The following KCNN2 variants were observed in gnomAD, a reference collection of about 807,000 sequenced individuals.
KCNN2 encodes potassium calcium-activated channel subfamily N member 2, also known as small conductance calcium-activated potassium channel protein 2.
In KCNN2, 24 loss-of-function variants were observed where a neutral mutation model predicts 55.5. That is an observed-to-expected ratio of 0.43 (90% confidence interval 0.31 to 0.61). The LOEUF is 0.61. Among genes scored for constraint, KCNN2 ranks in the 20% least tolerant of loss-of-function variants. The pLI is 0.08. For synonymous variants in KCNN2, 431 were observed against 336.1 expected (o/e 1.28, Z -3.09); for missense variants, 754 against 853.6 (o/e 0.88, Z 1.45).
chr5:114,084,823 T>C (rs2632126), intron 1 of KCNN2, among the ~76,000 whole-genome samples: 6,495 of 152,020 alleles, frequency 0.043, 458 homozygotes, highest in African/African-American at 0.15. Context: ...TATGATTCAA[T>C]TTTGAGTTAA....
chr5:114,123,261 AG>A (rs1382623715), intron 1 of KCNN2, among the ~76,000 whole-genome samples: 3 of 150,894 alleles, frequency 2.0e-5, no homozygotes, highest in African/African-American at 4.8e-5. Flanking sequence ...CTGTGCTTGG[AG>A]GTTTGCATGT....
rs150013609 is a variant in KCNN2 at position 114,212,812 on chromosome 5, A to G, written c.-270-8668A>G. On this transcript the variant is annotated intron_variant, in intron 1 of 10. Coordinates refer to the KCNN2 transcript ENST00000512097. ...TATCCAATTTGCCATTAGAGTCCAG[A>G]TTATAGGTCTTGTCTTGGCCTAATT... Among the ~76,000 whole-genome samples the G allele has an allele frequency of 2.9e-3, 434 of 152,144 alleles. 1 individual carries two copies. Among genetic ancestry groups the G allele is most frequent in the African/African-American group, 0.01 (416 of 41,564 alleles).
At chr5:114,064,639 G>T (rs903156141) in intron 1 of KCNN2, among the ~76,000 whole-genome samples, 1 of 152,122 alleles carries the variant, frequency 6.6e-6, no homozygotes, top group Non-Finnish European at 1.5e-5. Context: ...ATTGACTTAG[G>T]TCATTTAGCT....
chr5:114,339,329 T>C (rs1756976816), intron 2 of KCNN2, among the ~76,000 whole-genome samples: 1 of 152,190 alleles, frequency 6.6e-6, no homozygotes, highest in Non-Finnish European at 1.5e-5. Flanking sequence ...TGCTAGATAA[T>C]GCAGTTTCAG....
chr5:114,136,162 T>C (rs1199815994), intron 1 of KCNN2, among the ~76,000 whole-genome samples: 12 of 152,130 alleles, frequency 7.9e-5, no homozygotes, highest in Admixed American at 7.2e-4. Flanking sequence ...GACCTTGCAA[T>C]AGCCTCTAGT....
chr5:114,079,144 TA>T (rs1288201926), intron 1 of KCNN2, among the ~76,000 whole-genome samples: 1 of 152,166 alleles, frequency 6.6e-6, no homozygotes, highest in East Asian at 1.9e-4. Flanking sequence ...ATTTCCTGGG[TA>T]AAATCAAGGA....
At chr5:114,331,533 A>G (rs1756821743) in intron 2 of KCNN2, among the ~76,000 whole-genome samples, 1 of 152,222 alleles carries the variant, frequency 6.6e-6, no homozygotes, top group Non-Finnish European at 1.5e-5. Context: ...AGGGGATGTG[A>G]TAAAATGTAG....
At chr5:114,244,329 G>A (rs1224983599) in intron 2 of KCNN2, among the ~76,000 whole-genome samples, 1 of 56,014 alleles carries the variant, frequency 1.8e-5, no homozygotes, top group African/African-American at 4.8e-5. Context: ...AAAAGAGGCT[G>A]GGCATGGCGG....
chr5:114,141,072 C>A (rs1312288979), intron 1 of KCNN2, among the ~76,000 whole-genome samples: 1 of 152,012 alleles, frequency 6.6e-6, no homozygotes, highest in African/African-American at 2.4e-5. Context: ...CAGGCATAAG[C>A]CACCATGCCT....
chr5:114,173,438 T>TTGTGTGTGTGTGTGTGTGTGTGTG (rs61630138), intron 1 of KCNN2, among the ~76,000 whole-genome samples: 3 of 142,102 alleles, frequency 2.1e-5, no homozygotes, highest in African/African-American at 5.2e-5. Flanking sequence ...TTTGTTTTGT[T>TTGTGTGTGTGTGTGTGTGTGTGTG]TGTGTGTGTG....
intron 1 of KCNN2, among the ~76,000 whole-genome samples, chr5:114,166,975 C>T (rs1337750905): frequency 6.6e-6 from 1 of 152,164 alleles, no homozygotes; most frequent in African/African-American, 2.4e-5. Context: ...GATCTGCCAG[C>T]AGCTTAATCT....
intron 3 of KCNN2, among the ~76,000 whole-genome samples, chr5:114,405,582 AC>A (rs1366611611): frequency 6.6e-6 from 1 of 152,210 alleles, no homozygotes; most frequent in Non-Finnish European, 1.5e-5. Context: ...GCTACAGAGT[AC>A]CCTCACATGA....
chr5:114,104,926 C>T (rs563721766), intron 1 of KCNN2, among the ~76,000 whole-genome samples: 7 of 151,984 alleles, frequency 4.6e-5, no homozygotes, highest in South Asian at 4.2e-4. Flanking sequence ...ATAGTTGTGT[C>T]GCAGGAGCAA....
At chr5:114,331,373 A>C (rs936316121) in intron 2 of KCNN2, among the ~76,000 whole-genome samples, 3 of 152,186 alleles carry the variant, frequency 2.0e-5, no homozygotes, top group Non-Finnish European at 4.4e-5. Context: ...TGAAGAAGGC[A>C]ATGTGGCTTG....
At chr5:114,355,675 A>G (rs36937) in intron 2 of KCNN2, among the ~76,000 whole-genome samples, 121,442 of 151,778 alleles carry the variant, frequency 0.8, 48,839 homozygotes, top group East Asian at 0.97. Context: ...AAGGAACCAA[A>G]CTGGATGCCT....
At chr5:114,228,960 A>T (rs1754301051) in intron 2 of KCNN2, among the ~76,000 whole-genome samples, 1 of 152,106 alleles carries the variant, frequency 6.6e-6, no homozygotes, top group African/African-American at 2.4e-5. Context: ...TTTTAAAAAC[A>T]TTAGATTGTT....
At chr5:114,440,551 A>G (rs1223327982) in intron 3 of KCNN2, among the ~76,000 whole-genome samples, 2 of 152,012 alleles carry the variant, frequency 1.3e-5, no homozygotes, top group Non-Finnish European at 2.9e-5. Flanking sequence ...AAATAACAAA[A>G]CAACACCAAA....
intron 2 of KCNN2, among the ~76,000 whole-genome samples, chr5:114,265,824 C>G (rs1299948494): frequency 1.3e-5 from 2 of 152,150 alleles, no homozygotes; most frequent in Admixed American, 6.5e-5. Flanking sequence ...GCAGGGAACA[C>G]TGGTGTTTGT....
chr5:114,286,477 A>T (rs1330605630), intron 2 of KCNN2, among the ~76,000 whole-genome samples: 2 of 152,214 alleles, frequency 1.3e-5, no homozygotes, highest in Admixed American at 1.3e-4. Context: ...GAAGTTAAGA[A>T]GAATGTTAAA....
Sources: gnomAD v4.1 joint callset for allele counts (sites outside exome capture counted in the v4.1 genomes callset) on GRCh38, gnomAD v4.1.1 for gene constraint, MANE v1.5 for transcripts, NCBI Gene and HGNC (gene_info 2026-07-23, HGNC 2026-07-21) for gene names.